Variants in HTR3D observed in about 807,000 individuals in gnomAD.
HTR3D encodes 5-hydroxytryptamine receptor 3D, also known as 5-hydroxytryptamine (serotonin) receptor 3 family member D.
In HTR3D, 47 loss-of-function variants were observed where a neutral mutation model predicts 45.8. The ratio of observed to expected loss-of-function variants is 1.03; its 90% confidence interval spans 0.81 to 1.31. The LOEUF is 1.31. Among genes scored for constraint, HTR3D ranks in the 50% most tolerant of loss-of-function variants. The pLI, the probability that HTR3D is intolerant of heterozygous loss-of-function variation, is 0.00. For missense variants in HTR3D, 448 were observed against 506.9 expected, an observed-to-expected ratio of 0.88 and a Z score of 1.12; for synonymous variants, 203 against 199.8, an observed-to-expected ratio of 1.02 and a Z score of -0.13.
At chr3:184,031,551 C>A (rs930934412), upstream of HTR3D, 2 of 548,974 alleles carry the variant, frequency 3.6e-6, no homozygotes, top group Non-Finnish European at 6.6e-6. Flanking sequence ...AGGCTAGATT[C>A]AGGCCCAGTT....
At chr3:184,032,479 A>G (rs1330342885) in intron 1 of HTR3D, among the ~76,000 whole-genome samples, 1 of 152,186 alleles carries the variant, frequency 6.6e-6, no homozygotes, top group African/African-American at 2.4e-5. Flanking sequence ...ATTAGCATCT[A>G]TGCCATATTA....
rs139262665 is a variant in HTR3D, at chr3:184,037,865, C to T, written c.517-156C>T. ...CATGGGAGACTCTAACCTTGTGAGA[C>T]GCCTTTGGATGAAAAGACCGGATGC... On this transcript the variant is annotated intron_variant, in intron 5 of 7. Transcript: ENST00000428798. 1.5e-3 allele frequency among the ~76,000 whole-genome samples: 226 copies of T among 152,290 alleles called. 1 individual carries two copies. The highest frequency in any genetic ancestry group is 5.3e-3 in the African/African-American group (221 of 41,568).
intron 1 of HTR3D, 73 bp downstream of exon 1, chr3:184,031,880 T>G: frequency 9.2e-7 from 1 of 1,083,310 alleles, no homozygotes. Flanking sequence ...GCTAATATTT[T>G]TTATTCTGAG....
chr3:184,032,867 C>T (rs746426836), intron 1 of HTR3D: 7 of 1,551,872 alleles, frequency 4.5e-6, no homozygotes, highest in South Asian at 3.6e-5. Context: ...AGCCCTGGCC[C>T]TCCTCTCTCA....
intron 1 of HTR3D, among the ~76,000 whole-genome samples, chr3:184,032,511 T>C (rs549802810): frequency 1.3e-5 from 2 of 152,322 alleles, no homozygotes; most frequent in South Asian, 4.1e-4. Context: ...CGGAGAACTG[T>C]GAGTGCAAAA....
In HTR3D at chr3:184,037,940, CA is replaced by C. The variant is rs1576979600; in HGVS notation, c.517-78del. ...CCTTACTAGACAGTTTGGCCTGGGA[CA>C]AATCCCAGTTCTTACTCTTACCTGT... On this transcript the variant is annotated intron_variant, in intron 5 of 7. Coordinates refer to ENST00000428798, the MANE Select transcript of HTR3D (RefSeq NM_001145143.1). The C allele has an allele frequency of 5.9e-6, 9 of 1,534,338 alleles. No homozygotes were observed. The East Asian group carries it at 2.0e-4, about 35-fold the overall frequency.
intron 1 of HTR3D, among the ~76,000 whole-genome samples, chr3:184,032,126 T>C (rs933764124): frequency 2.0e-5 from 3 of 151,888 alleles, no homozygotes; most frequent in African/African-American, 7.3e-5. Context: ...CCCAAGTAGC[T>C]GGGATTACAG....
In HTR3D at chr3:184,038,472, C is replaced by A. The variant is rs1183172335; in HGVS notation, c.833C>A (p.Thr278Asn). The stretch of plus-strand genomic sequence containing the variant: ...AGCCTGCTGGAGACCATCTTCATCA[C>A]CCACCTGCTGCACGTGGCCACCACC... ...VGSLLETIFI[T>N]HLLHVATTQP... Residue 278 changes from threonine to asparagine, a missense_variant, in exon 7 of 8, where the codon ACC becomes AAC. Thr to Asn is a moderately conservative substitution (Grantham distance 65). Coordinates refer to ENST00000428798, the MANE Select transcript of HTR3D (RefSeq NM_001145143.1). The surrounding 1 kb of genome is among the most constrained non-coding windows in gnomAD (Gnocchi z 4.5). The A allele has an allele frequency of 1.2e-6, 2 of 1,614,074 alleles. No individual in the cohort carries two copies. Among genetic ancestry groups the A allele is most frequent in the South Asian group, 2.2e-5 (2 of 91,070 alleles).
rs769715766 is a variant in HTR3D, at chr3:184,036,751, G to A, written c.371G>A (p.Arg124Gln). The change falls in exon 5 of 8, where the codon CGG becomes CAG. Residue 124 changes from arginine (R) to glutamine (Q), a missense_variant. Coordinates refer to ENST00000428798, the MANE Select transcript of HTR3D (RefSeq NM_001145143.1). ...GCTTTGCAGTGGAGAACACGAGCCCGGGCATGGAGAAGGATGTCCAGGAGC... is the reference window on the plus strand; with the variant it reads ...GCTTTGCAGTGGAGAACACGAGCCCAGGCATGGAGAAGGATGTCCAGGAGC... The part of the protein sequence containing the change: ...PSALSPTQVT[R>Q]AWRRMSRSFQ... 4.5e-6 allele frequency: 7 copies of A among 1,552,072 alleles called. No homozygotes were observed. Among genetic ancestry groups the A allele is most frequent in the African/African-American group, 1.4e-5 (1 of 73,042 alleles).
At chr3:184,033,529 G>A (rs571603360) in intron 1 of HTR3D, among the ~76,000 whole-genome samples, 11 of 152,166 alleles carry the variant, frequency 7.2e-5, no homozygotes. Context: ...ATAAGCACAA[G>A]AAAAGGTGTA....
At chr3:184,032,755 AC>A in intron 1 of HTR3D, 1 of 1,077,746 alleles carries the variant, frequency 9.3e-7, no homozygotes. Flanking sequence ...CCATTTGCCT[AC>A]CAGCTCAGCC....
chr3:184,031,559 G>A, upstream of HTR3D: 1 of 564,404 alleles, frequency 1.8e-6, no homozygotes, highest in South Asian at 2.2e-5. Flanking sequence ...TTCAGGCCCA[G>A]TTAAAGCACA....
chr3:184,038,844 G>T lies in HTR3D; in HGVS notation c.1084G>T (p.Glu362Ter). The change falls in exon 8 of 8, where the codon GAG becomes TAG. Residue 362 changes from glutamate (E) to a stop codon, truncating the protein, a stop_gained. Coordinates refer to ENST00000428798, the MANE Select transcript of HTR3D (RefSeq NM_001145143.1). LOFTEE classifies it high-confidence loss of function. This position sits in a 1 kb window ranked among gnomAD's most constrained non-coding sequence, Gnocchi z 4.5. The part of the protein sequence containing the change: ...SEWTRAQREH[E>*]AQKQHSVELW... ...ATGGACAAGGGCCCAGCGGGAACAC[G>T]AGGCCCAGAAGCAGCACTCGGTGGA... 2 of 1,614,174 alleles carry T rather than the reference G, an allele frequency of 1.2e-6. No individual in the cohort carries two copies. Among genetic ancestry groups the T allele is most frequent in the Non-Finnish European group, 1.7e-6 (2 of 1,180,032 alleles).
chr3:184,036,431 C>A lies in HTR3D; in HGVS notation c.254C>A (p.Ser85Ter). 1 of 1,614,236 alleles carries A rather than the reference C, an allele frequency of 6.2e-7. No individual in the cohort carries two copies. Among genetic ancestry groups the A allele is most frequent in the East Asian group, 2.2e-5 (1 of 44,878 alleles). The change falls in exon 4 of 8, where the codon TCA (serine) becomes TAA (stop). Residue 85 changes from serine to a stop codon, truncating the protein, a stop_gained. Transcript: ENST00000428798. LOFTEE classifies it high-confidence loss of function. Reference sequence around the variant, plus strand: ...AGTATGTCAATAGTGAAGGCCACATCAAACACAATAAGCCAATGTGGGTGG... The same window carrying A: ...AGTATGTCAATAGTGAAGGCCACATAAAACACAATAAGCCAATGTGGGTGG... ...MASMSIVKAT[S>*]NTISQCGWSA...
intron 1 of HTR3D, chr3:184,033,078 A>G (rs1349730836): frequency 6.6e-7 from 1 of 1,518,508 alleles, no homozygotes; most frequent in South Asian, 1.2e-5. Flanking sequence ...CTCACCCAAC[A>G]TTGCAGTGGT....
At position 184,038,150 on chromosome 3, in the gene HTR3D, A is replaced by C; in HGVS notation, c.646A>C (p.Lys216Gln). 8 of 1,614,204 alleles carry C rather than the reference A, an allele frequency of 5.0e-6. No individual in the cohort carries two copies. The highest frequency in any genetic ancestry group is 5.9e-6 in the Non-Finnish European group (7 of 1,180,022). The part of the protein sequence containing the change: ...PLESGNCAPF[K>Q]MTVLLGYSVF... ...GGAAAGTGGGAATTGTGCCCCATTC[A>C]AGATGACTGTTCTGCTGGGCTACAG... Residue 216 changes from lysine to glutamine, a missense_variant, in exon 6 of 8, where the codon AAG becomes CAG. Transcript: ENST00000428798. This position sits in a 1 kb window ranked among gnomAD's most constrained non-coding sequence, Gnocchi z 4.5.
chr3:184,031,877 T>C, intron 1 of HTR3D, 70 bp downstream of exon 1: 1 of 1,094,136 alleles, frequency 9.1e-7, no homozygotes, highest in Non-Finnish European at 1.4e-6. Context: ...CAGGCTAATA[T>C]TTTTTATTCT....
chr3:184,035,973 A>G (rs1722873939), intron 2 of HTR3D, 42 bp from the exon 3 acceptor site: 1 of 1,544,890 alleles, frequency 6.5e-7, no homozygotes, highest in Non-Finnish European at 8.7e-7. Context: ...GATTACAGAC[A>G]GAAGCCACCA....
chr3:184,037,892 G>A, intron 5 of HTR3D, 129 bp from the exon 6 acceptor site: 3 of 1,153,644 alleles, frequency 2.6e-6, no homozygotes, highest in Admixed American at 2.6e-5. Context: ...ACCGGATGCT[G>A]AAAGGGACGG....
Sources: allele counts gnomAD v4.1 joint callset (sites outside exome capture counted in the v4.1 genomes callset), GRCh38; gene constraint gnomAD v4.1.1; non-coding constraint Gnocchi (gnomAD v3.1); transcripts MANE v1.5; gene names NCBI Gene and HGNC (gene_info 2026-07-23, HGNC 2026-07-21).